The following SLC28A1 variants were observed in gnomAD, a reference collection of about 807,000 sequenced individuals.
SLC28A1 encodes the protein solute carrier family 28 member 1.
Under a neutral mutation model 74.8 loss-of-function variants are expected in SLC28A1, and 64 were observed. That is an observed-to-expected ratio of 0.86 (90% CI 0.70 to 1.05). The LOEUF is 1.05. SLC28A1 is among the 50% of genes least tolerant of loss of function. SLC28A1 has a pLI of 0.00. For synonymous variants in SLC28A1, 359 were observed against 335.0 expected (o/e 1.07, Z -0.78); for missense variants, 828 against 822.8 (o/e 1.01, Z -0.08).
intron 7 of SLC28A1, 60 bp downstream of exon 7, chr15:84,904,298 G>T: frequency 6.2e-7 from 1 of 1,608,300 alleles, no homozygotes. Context: ...CTGCCCCTAG[G>T]CTGGATCTGG....
intron 12 of SLC28A1, among the ~76,000 whole-genome samples, chr15:84,929,626 G>A (rs1392401323): frequency 6.6e-6 from 1 of 152,106 alleles, no homozygotes; most frequent in Non-Finnish European, 1.5e-5. Flanking sequence ...GGCCAAGGCA[G>A]GAGGATGGCT....
the SLC28A1 span, among the ~76,000 whole-genome samples, chr15:84,974,692 G>A: frequency 6.6e-6 from 1 of 152,314 alleles, no homozygotes; most frequent in Admixed American, 6.5e-5. Flanking sequence ...TCAAGAGAAA[G>A]TCTTGGGCTC....
At chr15:84,898,063 T>C (rs2141710718) in intron 6 of SLC28A1, among the ~76,000 whole-genome samples, 1 of 152,290 alleles carries the variant, frequency 6.6e-6, no homozygotes, top group East Asian at 1.9e-4. Context: ...GATTCCATAG[T>C]TTGGCTATTG....
chr15:84,886,580 T>A (rs2141608727), intron 1 of SLC28A1, 92 bp from the exon 2 acceptor site: 1 of 985,412 alleles, frequency 1.0e-6, no homozygotes, highest in Non-Finnish European at 1.2e-6. Flanking sequence ...CGTGTTGGGG[T>A]CCCCACCCTG....
At chr15:84,905,969 G>C (rs1331649510) in intron 8 of SLC28A1, among the ~76,000 whole-genome samples, 1 of 149,418 alleles carries the variant, frequency 6.7e-6, no homozygotes, top group Non-Finnish European at 1.5e-5. Flanking sequence ...ATTTACTTCT[G>C]TGTGTGTGTG....
the SLC28A1 span, among the ~76,000 whole-genome samples, chr15:84,956,446 T>TTC: frequency 1.5e-3 from 131 of 84,930 alleles, no homozygotes; most frequent in Non-Finnish European, 2.8e-3. Flanking sequence ...TTCCTTCCTT[T>TTC]CTTTCTTTCT....
intron 9 of SLC28A1, among the ~76,000 whole-genome samples, chr15:84,910,414 C>T (rs145519690): frequency 3.9e-5 from 6 of 152,314 alleles, no homozygotes; most frequent in East Asian, 1.9e-4. Flanking sequence ...GGGAGGCTCC[C>T]GCAGCTTCTT....
rs1428751134 is a variant in SLC28A1 at position 84,933,453 on chromosome 15, AC to A, written c.1214+179del. On this transcript the variant is annotated intron_variant, in intron 13 of 18. Transcript: ENST00000394573. ...CTTAGTCCATTTTCTGTTGCTTATA[AC>A]AGAAATCCTGAAACTGGGTACTTTA... 2.6e-5 allele frequency among the ~76,000 whole-genome samples: 4 copies of A among 152,248 alleles called. No individual in the cohort carries two copies. The East Asian group carries it at 7.7e-4, about 29-fold the overall frequency.
the SLC28A1 span, among the ~76,000 whole-genome samples, chr15:84,975,119 C>T: frequency 7.2e-5 from 11 of 152,138 alleles, no homozygotes; most frequent in African/African-American, 2.4e-4. Flanking sequence ...CCAGGTGAGG[C>T]CTGGGTGACT....
chr15:84,946,654 G>C (rs1302270240), downstream of SLC28A1, among the ~76,000 whole-genome samples: 1 of 152,110 alleles, frequency 6.6e-6, no homozygotes, highest in African/African-American at 2.4e-5. Context: ...CACAAACTGC[G>C]ATGTGGGGCC....
chr15:84,937,053 TAA>T (rs33988815), intron 15 of SLC28A1, among the ~76,000 whole-genome samples: 129,197 of 147,584 alleles, frequency 0.88, 56,786 homozygotes, highest in African/African-American at 0.97. Context: ...ACCCTGTCTT[TAA>T]AAAAAAAAAA....
At chr15:84,887,533 G>A (rs975020455) in intron 2 of SLC28A1, 1 of 985,192 alleles carries the variant, frequency 1.0e-6, no homozygotes, top group Non-Finnish European at 1.2e-6. Flanking sequence ...AAAGGAAGAG[G>A]TACCTCCTCC....
At chr15:84,921,179 C>A (rs1218824931) in intron 11 of SLC28A1, 110 bp downstream of exon 11, 6 of 839,540 alleles carry the variant, frequency 7.1e-6, no homozygotes, top group Admixed American at 3.9e-5. Flanking sequence ...CCATTTGAAC[C>A]TTCTCCCAGG....
At chr15:84,929,714 T>A (rs2141980927) in intron 12 of SLC28A1, among the ~76,000 whole-genome samples, 1 of 152,082 alleles carries the variant, frequency 6.6e-6, no homozygotes, top group South Asian at 2.1e-4. Context: ...AATAAAAAAT[T>A]ACTTGGGCAT....
chr15:84,908,838 C>G (rs1316795800), intron 9 of SLC28A1, 43 bp downstream of exon 9: 1 of 1,507,348 alleles, frequency 6.6e-7, no homozygotes, highest in Non-Finnish European at 9.2e-7. Context: ...GCAGCCACCG[C>G]CCAGCGACTC....
At chr15:84,917,645 A>G (rs890867825) in intron 9 of SLC28A1, among the ~76,000 whole-genome samples, 2 of 151,746 alleles carry the variant, frequency 1.3e-5, no homozygotes, top group Admixed American at 6.6e-5. Flanking sequence ...CTCTTTTTTC[A>G]TTTAACAACA....
At chr15:84,933,339 G>T in intron 13 of SLC28A1, 64 bp downstream of exon 13, 1 of 1,575,134 alleles carries the variant, frequency 6.3e-7, no homozygotes, top group Admixed American at 1.8e-5. Context: ...CAAAGCAGAG[G>T]GTCCCGTTCT....
At chr15:84,932,095 C>T (rs11629732) in intron 12 of SLC28A1, among the ~76,000 whole-genome samples, 46,696 of 152,070 alleles carry the variant, frequency 0.31, 9,487 homozygotes, top group Middle Eastern at 0.54. Context: ...TCTTTCTAAT[C>T]TTTTCATGCG....
intron 12 of SLC28A1, among the ~76,000 whole-genome samples, chr15:84,925,455 C>T (rs1318242259): frequency 5.9e-5 from 9 of 152,114 alleles, no homozygotes; most frequent in African/African-American, 1.2e-4. Context: ...AAAAAAATAG[C>T]TGGCCGTGGT....
Sources: allele counts gnomAD v4.1 joint callset (sites outside exome capture counted in the v4.1 genomes callset), GRCh38; gene constraint gnomAD v4.1.1; transcripts MANE v1.5; gene names NCBI Gene and HGNC (gene_info 2026-07-23, HGNC 2026-07-21).